Variants in COP1 observed in about 807,000 individuals in gnomAD.
The protein encoded by COP1 is E3 ubiquitin-protein ligase COP1.
COP1 carries 24 observed loss-of-function variants against 101.3 expected under a neutral mutation model. That is an observed-to-expected ratio of 0.24 (90% CI 0.17 to 0.33). COP1 has a LOEUF of 0.33. Ranked by LOEUF, COP1 falls within the 10% of genes least tolerant of loss-of-function variation. The pLI is 1.00. For synonymous variants in COP1, 347 were observed against 341.9 expected (o/e 1.01, Z -0.17); for missense variants, 663 against 906.2 (o/e 0.73, Z 3.45).
At chr1:176,112,631 T>C (rs1385152791) in intron 9 of COP1, among the ~76,000 whole-genome samples, 1 of 152,216 alleles carries the variant, frequency 6.6e-6, no homozygotes. Flanking sequence ...ATTTCCCTAC[T>C]GTATTATCAA....
chr1:176,152,247 G>A (rs748771935), intron 5 of COP1, among the ~76,000 whole-genome samples: 2 of 151,700 alleles, frequency 1.3e-5, no homozygotes, highest in Non-Finnish European at 2.9e-5. Flanking sequence ...GTGAAAAAGC[G>A]AGACCTTCTC....
At chr1:176,130,859 A>G (rs1572419321) in intron 8 of COP1, among the ~76,000 whole-genome samples, 2 of 151,992 alleles carry the variant, frequency 1.3e-5, no homozygotes, top group Admixed American at 1.3e-4. Context: ...TTATAGAAAC[A>G]GAATCAAAAT....
intron 11 of COP1, among the ~76,000 whole-genome samples, chr1:176,065,708 T>C (rs868406625): frequency 6.9e-6 from 1 of 145,810 alleles, no homozygotes; most frequent in Non-Finnish European, 1.5e-5. Flanking sequence ...ATAATGATTT[T>C]TTTTTTTTTT....
At chr1:176,046,134 A>G in intron 12 of COP1, 47 bp downstream of exon 12, 1 of 1,471,470 alleles carries the variant, frequency 6.8e-7, no homozygotes, top group Non-Finnish European at 9.3e-7. Context: ...TACATATGCA[A>G]ATTGTTACAT....
intron 15 of COP1, among the ~76,000 whole-genome samples, chr1:176,003,956 C>G (rs1267880614): frequency 6.6e-6 from 1 of 151,838 alleles, no homozygotes; most frequent in Non-Finnish European, 1.5e-5. Flanking sequence ...TGGCCATTTT[C>G]AGGATATTGA....
chr1:176,175,872 G>C (rs373510613), intron 3 of COP1, 38 bp downstream of exon 3: 1 of 1,227,646 alleles, frequency 8.1e-7, no homozygotes, highest in South Asian at 1.3e-5. Flanking sequence ...TTTGGGGATC[G>C]AAATATTTTT....
chr1:176,068,163 T>C (rs1401542164), intron 11 of COP1, among the ~76,000 whole-genome samples: 1 of 152,224 alleles, frequency 6.6e-6, no homozygotes, highest in East Asian at 1.9e-4. Context: ...GATCTTTCCC[T>C]AAAGAATTAA....
At chr1:176,120,295 G>A (rs10913139) in intron 8 of COP1, among the ~76,000 whole-genome samples, 279 of 151,906 alleles carry the variant, frequency 1.8e-3, no homozygotes, top group African/African-American at 6.3e-3. Context: ...TGGCAAGTGC[G>A]TGTAATCCCA....
chr1:176,002,639 G>C (rs1294809643), intron 15 of COP1, among the ~76,000 whole-genome samples: 1 of 148,820 alleles, frequency 6.7e-6, no homozygotes, highest in African/African-American at 2.5e-5. Flanking sequence ...AGTTTACTGA[G>C]AATGATGATT....
chr1:176,011,719 C>A (rs1461805692), intron 15 of COP1, among the ~76,000 whole-genome samples: 2 of 152,080 alleles, frequency 1.3e-5, no homozygotes, highest in African/African-American at 4.8e-5. Flanking sequence ...CAGTCACATG[C>A]CAGATAATGA....
chr1:176,176,580 A>T (rs1354842842), intron 2 of COP1, among the ~76,000 whole-genome samples: 1 of 152,154 alleles, frequency 6.6e-6, no homozygotes, highest in Non-Finnish European at 1.5e-5. Flanking sequence ...ACACTTTAGG[A>T]GGCAGAGGCA....
chr1:176,177,420 C>G (rs1250888272), intron 2 of COP1, among the ~76,000 whole-genome samples: 2 of 151,032 alleles, frequency 1.3e-5, no homozygotes, highest in African/African-American at 4.9e-5. Context: ...ATCTATAACA[C>G]AGTGGATATA....
chr1:176,085,955 C>A, intron 9 of COP1, 65 bp from the exon 10 acceptor site: 1 of 825,664 alleles, frequency 1.2e-6, no homozygotes, highest in South Asian at 2.2e-5. Flanking sequence ...ACAGAATACT[C>A]AAATGTTTGA....
intron 15 of COP1, among the ~76,000 whole-genome samples, chr1:176,008,815 C>T (rs1664058987): frequency 6.6e-6 from 1 of 152,236 alleles, no homozygotes; most frequent in Non-Finnish European, 1.5e-5. Context: ...CATGGAGCCA[C>T]TGACATCTTT....
At chr1:176,013,700 ATAT>A (rs1184904818) in intron 15 of COP1, among the ~76,000 whole-genome samples, 4 of 152,334 alleles carry the variant, frequency 2.6e-5, no homozygotes, top group African/African-American at 9.6e-5. Flanking sequence ...AATGTTTCAT[ATAT>A]TATTTATACA....
Position 176,206,587 on chromosome 1 carries a change from C to T in COP1, c.392G>A (p.Ser131Asn), listed in dbSNP as rs772231273. Residue 131 changes from serine to asparagine, a missense_variant, in exon 1 of 20, where the codon AGC becomes AAC. Around this residue, in one of 4 missense-constraint regions of COP1, gnomAD observed 204 missense variants for 203.6 expected, o/e 1.00. Coordinates refer to ENST00000367669, the MANE Select transcript of COP1 (RefSeq NM_022457.7). ...TCAAACCCACCATACGAAGTCGTTG[C>T]TTTTGTCCTCGTAGGAGTTGATGAG... is the stretch of plus-strand genomic sequence containing the variant. ...NGLINSYEDK[S>N]NDFVCPICFD... The T allele has an allele frequency of 3.7e-6, 6 of 1,610,858 alleles. No individual in the cohort carries two copies. Among genetic ancestry groups the T allele is most frequent in the African/African-American group, 1.3e-5 (1 of 74,938 alleles).
At chr1:176,139,404 A>G (rs1016028768) in intron 6 of COP1, among the ~76,000 whole-genome samples, 7 of 152,090 alleles carry the variant, frequency 4.6e-5, no homozygotes, top group Non-Finnish European at 8.8e-5. Context: ...GAGTTGGGAG[A>G]TTTCTCAAAG....
chr1:176,165,361 C>CGTGTGTGTGTGTGTGTGTGTGTGT (rs34291468), intron 3 of COP1, among the ~76,000 whole-genome samples: 5 of 132,056 alleles, frequency 3.8e-5, no homozygotes, highest in Non-Finnish European at 6.4e-5. Context: ...AGATGTGTGT[C>CGTGTGTGTGTGTGTGTGTGTGTGT]GTGTGTGTGT....
intron 11 of COP1, among the ~76,000 whole-genome samples, chr1:176,071,777 C>CA (rs1403922645): frequency 6.6e-6 from 1 of 152,128 alleles, no homozygotes; most frequent in Non-Finnish European, 1.5e-5. Flanking sequence ...TCTTGGATAC[C>CA]AAACACTGGT....
Sources: allele counts gnomAD v4.1 joint callset (sites outside exome capture counted in the v4.1 genomes callset), GRCh38; gene constraint gnomAD v4.1.1; regional missense constraint gnomAD v4.1.1; transcripts MANE v1.5; gene names NCBI Gene and HGNC (gene_info 2026-07-23, HGNC 2026-07-21).